TENM2: variants seen among roughly 807,000 people sequenced by gnomAD.
TENM2 encodes teneurin-2.
Under a neutral mutation model 245.2 loss-of-function variants are expected in TENM2, and 52 were observed. The observed-to-expected ratio is 0.21, with a 90% CI of 0.17 to 0.27. TENM2 has a LOEUF of 0.27. Among genes scored for constraint, TENM2 ranks in the 10% least tolerant of loss-of-function variants. The pLI is 1.00. For missense variants in TENM2, 3,046 were observed against 3,666.8 expected (o/e 0.83, Z 4.37); for synonymous variants, 1,363 against 1,438.9 (o/e 0.95, Z 1.19).
At chr5:168,196,151 G>A (rs896521433) in intron 15 of TENM2, among the ~76,000 whole-genome samples, 1 of 152,144 alleles carries the variant, frequency 6.6e-6, no homozygotes, top group Non-Finnish European at 1.5e-5. Flanking sequence ...ACAGAAGTAA[G>A]AACAGGGATT....
At chr5:167,124,545 A>C in the TENM2 span, among the ~76,000 whole-genome samples, 2 of 152,318 alleles carry the variant, frequency 1.3e-5, no homozygotes, top group South Asian at 2.1e-4. Flanking sequence ...AGATCTTATA[A>C]AAATGAGTGT....
chr5:167,859,390 G>GCC (rs1583206300), intron 2 of TENM2, among the ~76,000 whole-genome samples: 1 of 135,562 alleles, frequency 7.4e-6, no homozygotes, highest in African/African-American at 2.7e-5. Flanking sequence ...GGGGGGGTCA[G>GCC]CCCCCCGCCC....
At chr5:167,870,554 C>CATATATATATATATATATATAT (rs60172043) in intron 2 of TENM2, among the ~76,000 whole-genome samples, 135 of 128,322 alleles carry the variant, frequency 1.1e-3, no homozygotes, top group Middle Eastern at 4.3e-3. Flanking sequence ...AATGTGTATA[C>CATATATATATATATATATATAT]ATATATATAT....
intron 2 of TENM2, among the ~76,000 whole-genome samples, chr5:167,443,441 A>T (rs1764978550): frequency 6.6e-6 from 1 of 152,210 alleles, no homozygotes; most frequent in Admixed American, 6.5e-5. Flanking sequence ...ATCTGATGCT[A>T]AACTTAGAAT....
the TENM2 span, among the ~76,000 whole-genome samples, chr5:167,232,438 T>C: frequency 3.9e-5 from 6 of 151,954 alleles, no homozygotes; most frequent in Non-Finnish European, 8.8e-5. Context: ...AGTGGTGTGA[T>C]CTTGGCTCAC....
chr5:167,805,373 G>T (rs938808801), intron 2 of TENM2, among the ~76,000 whole-genome samples: 4 of 152,270 alleles, frequency 2.6e-5, no homozygotes, highest in South Asian at 2.1e-4. Context: ...CTGAGAAAAG[G>T]TTCAGACGCC....
rs542388562 is a variant in TENM2 at position 167,695,571 on chromosome 5, CAG to C, written c.503-180412_503-180411del. Among the ~76,000 whole-genome samples, 901 of 152,158 alleles carry C rather than the reference CAG, an allele frequency of 5.9e-3. 7 individuals carry two copies. The highest frequency in any genetic ancestry group is 0.01 in the Non-Finnish European group (686 of 67,996). On this transcript the variant is annotated intron_variant, in intron 2 of 28. Transcript: ENST00000518659. ...AAAACATATGAATTTTACATTTTAACAGAGGGAAAGGGTTCAGGTTTGTCTCT... is the reference window on the plus strand; with the variant it reads ...AAAACATATGAATTTTACATTTTAACAGGGAAAGGGTTCAGGTTTGTCTCT...
the TENM2 span, among the ~76,000 whole-genome samples, chr5:167,131,127 A>G: frequency 1.2e-4 from 19 of 152,264 alleles, no homozygotes; most frequent in Non-Finnish European, 1.9e-4. Flanking sequence ...TTCCTGGCTT[A>G]GCAATATCTC....
Position 167,300,080 on chromosome 5 carries a change from G to A in TENM2, c.226+15017G>A, listed in dbSNP as rs190900450. ...TTTGGACAGAAAGGCTATCGGGTGC[G>A]GTCCTGGCTCTTGTGTAAGGATTCT... On this transcript the variant is annotated intron_variant, in intron 1 of 28. Transcript: ENST00000518659. Among the ~76,000 whole-genome samples, 383 of 152,268 alleles carry A rather than the reference G, an allele frequency of 2.5e-3. 6 individuals are homozygous for A. The highest frequency in any genetic ancestry group is 4.8e-3 in the Non-Finnish European group (325 of 68,026).
chr5:167,132,190 A>G, the TENM2 span, among the ~76,000 whole-genome samples: 2 of 152,130 alleles, frequency 1.3e-5, no homozygotes, highest in Admixed American at 1.3e-4. Context: ...GATATATAAC[A>G]TAAAAAGCTA....
chr5:167,107,073 C>T, the TENM2 span, among the ~76,000 whole-genome samples: 14 of 143,950 alleles, frequency 9.7e-5, 1 homozygote, highest in African/African-American at 3.4e-4. Flanking sequence ...GGCGAAACCC[C>T]ATCTCTACTA....
chr5:167,516,286 C>G (rs1005611374), intron 2 of TENM2, among the ~76,000 whole-genome samples: 11 of 152,052 alleles, frequency 7.2e-5, no homozygotes, highest in Non-Finnish European at 1.5e-5. Flanking sequence ...CATCACATGC[C>G]TAAAATCTCA....
At chr5:167,510,308 T>A (rs1281764890) in intron 2 of TENM2, among the ~76,000 whole-genome samples, 1 of 152,186 alleles carries the variant, frequency 6.6e-6, no homozygotes, top group African/African-American at 2.4e-5. Context: ...TTTGCCATGC[T>A]CCCACTAAGA....
intron 1 of TENM2, among the ~76,000 whole-genome samples, chr5:167,327,342 G>T (rs943288888): frequency 1.3e-5 from 2 of 152,162 alleles, no homozygotes; most frequent in African/African-American, 4.8e-5. Flanking sequence ...TGTTTTGATT[G>T]CCTGGCACAT....
the TENM2 span, among the ~76,000 whole-genome samples, chr5:167,113,060 T>C: frequency 2.6e-5 from 4 of 152,080 alleles, no homozygotes; most frequent in Non-Finnish European, 5.9e-5. Context: ...ATTAGATGAG[T>C]TGACAAAAAT....
chr5:167,027,005 A>G, the TENM2 span, among the ~76,000 whole-genome samples: 13 of 152,188 alleles, frequency 8.5e-5, no homozygotes, highest in Non-Finnish European at 1.0e-4. Flanking sequence ...AAGAACAGAT[A>G]CCGCTTATCA....
At chr5:167,546,327 A>G (rs1181420825) in intron 2 of TENM2, among the ~76,000 whole-genome samples, 3 of 152,162 alleles carry the variant, frequency 2.0e-5, no homozygotes, top group Non-Finnish European at 4.4e-5. Context: ...TGACTTTCAA[A>G]TTATTCCTAT....
intron 2 of TENM2, among the ~76,000 whole-genome samples, chr5:167,806,739 C>T (rs371949513): frequency 6.6e-6 from 1 of 152,146 alleles, no homozygotes; most frequent in East Asian, 1.9e-4. Flanking sequence ...TCACTGAAAG[C>T]TTACACTTGC....
rs1763353482 is a variant in TENM2, at chr5:168,218,051, C to T, written c.4234-74C>T. 1.4e-6 allele frequency: 2 copies of T among 1,479,790 alleles called. No homozygotes were observed. Among genetic ancestry groups the T allele is most frequent in the Non-Finnish European group, 9.1e-7 (1 of 1,097,580 alleles). The allele number at this position is 1,479,790 out of a possible 1,614,324, so 91.7% of individuals were successfully genotyped here. On this transcript the variant is annotated intron_variant, in intron 22 of 28. Coordinates refer to ENST00000518659, the Ensembl canonical transcript of TENM2. The surrounding 1 kb of genome is among the most constrained non-coding windows in gnomAD (Gnocchi z 5.2). ...TGTCTTTTTTCCTAGATATATAAAA[C>T]CAGTAAGTGCCGTACGGTTAAACGT...
Sources: gnomAD v4.1 joint callset for allele counts (sites outside exome capture counted in the v4.1 genomes callset) on GRCh38, gnomAD v4.1.1 for gene constraint, Gnocchi (gnomAD v3.1) non-coding constraint, MANE v1.5 for transcripts, NCBI Gene and HGNC (gene_info 2026-07-23, HGNC 2026-07-21) for gene names.